MEI4: variants seen among roughly 807,000 people sequenced by gnomAD.
The protein encoded by MEI4 is meiosis-specific protein MEI4.
In MEI4, 27 loss-of-function variants were observed where a neutral mutation model predicts 31.4. The observed-to-expected ratio is 0.86, with a 90% CI of 0.63 to 1.19. The LOEUF (loss-of-function observed/expected upper bound fraction) is 1.19, where lower values mean the gene tolerates loss of function less well. Among genes scored for constraint, MEI4 ranks in the 50% most tolerant of loss-of-function variants. The pLI is 0.00. For synonymous variants in MEI4, 122 were observed against 145.4 expected (o/e 0.84, Z 1.16); for missense variants, 329 against 398.9 (o/e 0.82, Z 1.49).
At chr6:77,865,599 C>A (rs930368276) in intron 4 of MEI4, among the ~76,000 whole-genome samples, 2 of 152,100 alleles carry the variant, frequency 1.3e-5, no homozygotes, top group African/African-American at 4.8e-5. Context: ...AGCTTACCAA[C>A]CAACAAAAGT....
intron 2 of MEI4, among the ~76,000 whole-genome samples, chr6:77,698,016 G>A (rs1766099554): frequency 6.6e-6 from 1 of 152,070 alleles, no homozygotes; most frequent in African/African-American, 2.4e-5. Context: ...TTTGCCATTA[G>A]ATAATGGTCT....
intron 2 of MEI4, among the ~76,000 whole-genome samples, chr6:77,706,249 C>G (rs2127658306): frequency 6.6e-6 from 1 of 152,246 alleles, no homozygotes; most frequent in South Asian, 2.1e-4. Flanking sequence ...TCTGACCTAC[C>G]TTATCTGAAA....
chr6:77,665,327 G>A (rs1360702580), intron 1 of MEI4, among the ~76,000 whole-genome samples: 1 of 152,042 alleles, frequency 6.6e-6, no homozygotes, highest in African/African-American at 2.4e-5. Flanking sequence ...TGAAAGATAA[G>A]GGGTTGAGGG....
chr6:77,872,596 A>AT (rs1771222505), intron 4 of MEI4, among the ~76,000 whole-genome samples: 1 of 151,674 alleles, frequency 6.6e-6, no homozygotes, highest in South Asian at 2.1e-4. Flanking sequence ...TATTATTATT[A>AT]TACTTTAAGT....
At chr6:77,709,342 G>T (rs1766405048) in intron 2 of MEI4, among the ~76,000 whole-genome samples, 1 of 152,160 alleles carries the variant, frequency 6.6e-6, no homozygotes, top group African/African-American at 2.4e-5. Context: ...CTCTTGTGGT[G>T]CTGGATTCCA....
chr6:77,695,533 A>G (rs567558686), intron 2 of MEI4, among the ~76,000 whole-genome samples: 28 of 152,014 alleles, frequency 1.8e-4, no homozygotes, highest in Non-Finnish European at 3.4e-4. Flanking sequence ...CCTTTCCCCA[A>G]TGCTTGTTTT....
intron 4 of MEI4, among the ~76,000 whole-genome samples, chr6:77,914,118 G>GT (rs1023308589): frequency 6.6e-4 from 95 of 144,958 alleles, no homozygotes; most frequent in African/African-American, 1.4e-3. Context: ...ATCTTTATTA[G>GT]TTTTTTTTTT....
At chr6:77,866,013 T>C (rs896106793) in intron 4 of MEI4, among the ~76,000 whole-genome samples, 5 of 152,076 alleles carry the variant, frequency 3.3e-5, no homozygotes, top group Non-Finnish European at 7.3e-5. Flanking sequence ...GAAAAGGCCT[T>C]TGACAAAATT....
In MEI4 at chr6:77,908,155, A is replaced by C. The variant is rs191583133; in HGVS notation, c.901-14934A>C. Reference sequence around the variant, plus strand: ...TGTGCAGAAACTCTTTAGATTAATTAGATCCCATTTGTCAATTTTGGCTTT... The same window carrying C: ...TGTGCAGAAACTCTTTAGATTAATTCGATCCCATTTGTCAATTTTGGCTTT... On this transcript the variant is annotated intron_variant, in intron 4 of 4. Transcript: ENST00000684080. 1.6e-3 allele frequency among the ~76,000 whole-genome samples: 244 copies of C among 152,232 alleles called. 2 individuals carry two copies. The Middle Eastern group carries it at 0.024, about 15-fold the overall frequency.
At position 77,675,860 on chromosome 6, in the gene MEI4, G is replaced by A. The variant is rs149405179; in HGVS notation, c.-14-14798G>A. On this transcript the variant is annotated intron_variant, in intron 1 of 4. Coordinates refer to ENST00000684080, the MANE Select transcript of MEI4 (RefSeq NM_001322247.2). ...TGAAGGAAGAAGAAGCCTAGGCTTC[G>A]GATACAATTTCAGCCGAGTGTCCCT... Among the ~76,000 whole-genome samples, 19 of 152,202 alleles carry A rather than the reference G, an allele frequency of 1.2e-4. No individual in the cohort carries two copies. The East Asian group carries it at 2.5e-3, about 20-fold the overall frequency.
intron 4 of MEI4, among the ~76,000 whole-genome samples, chr6:77,869,721 C>T (rs1466174578): frequency 6.6e-6 from 1 of 151,996 alleles, no homozygotes; most frequent in East Asian, 1.9e-4. Flanking sequence ...GTTGGGGTGG[C>T]AGAGTTGACA....
chr6:77,816,173 G>C (rs1582177820), intron 3 of MEI4, among the ~76,000 whole-genome samples: 1 of 152,022 alleles, frequency 6.6e-6, no homozygotes, highest in Non-Finnish European at 1.5e-5. Flanking sequence ...TTTTTGTGAG[G>C]TAATTGCCTA....
Position 77,922,238 on chromosome 6 carries a change from CT to C in MEI4, c.901-844del, listed in dbSNP as rs924466409. ...TCGTAAATGTTCCCAAAGGAGTTTT[CT>C]TTTTTTCTCAATGTTAATACTTTCT... On this transcript the variant is annotated intron_variant, in intron 4 of 4. Transcript: ENST00000684080. Among the ~76,000 whole-genome samples the C allele has an allele frequency of 5.9e-5, 9 of 151,484 alleles. No homozygotes were observed. In the South Asian group the frequency reaches 1.0e-3, roughly 17 times the overall value.
chr6:77,682,995 G>C (rs1768985407), intron 1 of MEI4, among the ~76,000 whole-genome samples: 1 of 152,164 alleles, frequency 6.6e-6, no homozygotes, highest in Admixed American at 6.5e-5. Context: ...AATTCTGAAA[G>C]CCCTTTAAAA....
chr6:77,838,499 A>G (rs1770278057), intron 4 of MEI4, among the ~76,000 whole-genome samples: 1 of 152,204 alleles, frequency 6.6e-6, no homozygotes, highest in African/African-American at 2.4e-5. Flanking sequence ...TAAACTCTGT[A>G]AACTCAAATC....
At chr6:77,779,786 A>G (rs918979709) in intron 3 of MEI4, among the ~76,000 whole-genome samples, 2 of 152,182 alleles carry the variant, frequency 1.3e-5, no homozygotes, top group Admixed American at 1.3e-4. Flanking sequence ...CAGCAGAGGA[A>G]CATGGCATGC....
At chr6:77,671,180 CT>C (rs1377242551) in intron 1 of MEI4, among the ~76,000 whole-genome samples, 1 of 151,544 alleles carries the variant, frequency 6.6e-6, no homozygotes, top group Non-Finnish European at 1.5e-5. Context: ...CCTTAGCCTC[CT>C]GAGTAGCTGG....
Position 77,703,742 on chromosome 6 carries a change from TTTAGA to T in MEI4, c.232+12844_232+12848del, listed in dbSNP as rs528589432. Among the ~76,000 whole-genome samples, 215 of 152,276 alleles carry T rather than the reference TTTAGA, an allele frequency of 1.4e-3. 1 individual carries two copies. The highest frequency in any genetic ancestry group is 4.4e-3 in the African/African-American group (183 of 41,554). ...TAAATCCAGGTAGATAGTTCTAGAC[TTTAGA>T]TTAGGCTGGAAAAATGTATAGTGTA... On this transcript the variant is annotated intron_variant, in intron 2 of 4. Coordinates refer to ENST00000684080, the MANE Select transcript of MEI4 (RefSeq NM_001322247.2).
At chr6:77,877,822 A>T (rs1464547546) in intron 4 of MEI4, among the ~76,000 whole-genome samples, 1 of 148,122 alleles carries the variant, frequency 6.8e-6, no homozygotes, top group Non-Finnish European at 1.5e-5. Context: ...ATTCTTATTG[A>T]GACACAATAA....
Sources: allele counts gnomAD v4.1 joint callset (sites outside exome capture counted in the v4.1 genomes callset), GRCh38; gene constraint gnomAD v4.1.1; transcripts MANE v1.5; gene names NCBI Gene and HGNC (gene_info 2026-07-23, HGNC 2026-07-21).